Variants in ZC3H12B observed in about 807,000 individuals in gnomAD.
ZC3H12B encodes the protein probable ribonuclease ZC3H12B.
A neutral mutation model predicts 43.9 loss-of-function variants in ZC3H12B; 7 were observed. The ratio of observed to expected loss-of-function variants is 0.16; its 90% CI spans 0.09 to 0.30. The LOEUF (loss-of-function observed/expected upper bound fraction) is 0.30. Among genes scored for constraint, ZC3H12B ranks in the 10% least tolerant of loss-of-function variants. The pLI is 1.00. For missense variants in ZC3H12B, 475 were observed against 670.2 expected (o/e 0.71, Z 3.22); for synonymous variants, 222 against 241.7 (o/e 0.92, Z 0.76).
intron 2 of ZC3H12B, among the ~76,000 whole-genome samples, chrX:65,375,208 G>T (rs2066329224): frequency 8.9e-6 from 1 of 112,133 alleles, no homozygotes; most frequent in Admixed American, 9.5e-5. Context: ...ACAGCATAAA[G>T]CAAAACAGGA....
At chrX:65,356,915 T>A in the ZC3H12B span, 1 of 402,227 alleles carries the variant, frequency 2.5e-6, no homozygotes, top group African/African-American at 2.5e-5. Flanking sequence ...GATCTGTTTG[T>A]AAAGTTCACA....
chrX:65,328,808 T>C, the ZC3H12B span, among the ~76,000 whole-genome samples: 1 of 105,254 alleles, frequency 9.5e-6, no homozygotes, highest in Non-Finnish European at 1.9e-5. Flanking sequence ...GTTTGGTTTT[T>C]TGTCCTTGCG....
chrX:65,408,264 A>G (rs2066861083), intron 3 of ZC3H12B: 2 of 1,161,659 alleles, frequency 1.7e-6, no homozygotes, highest in Non-Finnish European at 1.2e-6. Context: ...CAGAGGCACT[A>G]TGTGATGTAT....
At chrX:65,093,711 C>T in the ZC3H12B span, among the ~76,000 whole-genome samples, 1 of 112,321 alleles carries the variant, frequency 8.9e-6, no homozygotes, top group Non-Finnish European at 1.9e-5. Flanking sequence ...CTTATACCCC[C>T]ATAGTATCTT....
the ZC3H12B span, among the ~76,000 whole-genome samples, chrX:65,142,075 T>C: frequency 8.9e-6 from 1 of 112,189 alleles, no homozygotes; most frequent in East Asian, 2.8e-4. Context: ...TTTAGTTTTT[T>C]AAGGAATCTC....
At chrX:65,347,747 A>G in the ZC3H12B span, among the ~76,000 whole-genome samples, 1 of 112,488 alleles carries the variant, frequency 8.9e-6, no homozygotes, top group Non-Finnish European at 1.9e-5. Flanking sequence ...TGTATACCCA[A>G]AAGATTATAA....
chrX:65,396,164 T>C (rs1298991120), intron 2 of ZC3H12B, among the ~76,000 whole-genome samples: 2 of 111,963 alleles, frequency 1.8e-5, no homozygotes, highest in Non-Finnish European at 3.8e-5. Context: ...TGAAGGGTTT[T>C]TCATGTCTCT....
At chrX:65,421,008 C>T in intron 3 of ZC3H12B, among the ~76,000 whole-genome samples, 1 of 112,197 alleles carries the variant, frequency 8.9e-6, no homozygotes, top group Non-Finnish European at 1.9e-5. Flanking sequence ...ACTGTCCTAT[C>T]TTAGGGGTAT....
chrX:65,065,025 C>T, the ZC3H12B span, among the ~76,000 whole-genome samples: 2 of 110,649 alleles, frequency 1.8e-5, no homozygotes, highest in African/African-American at 6.6e-5. Context: ...TATTTTCAGC[C>T]TATGTGTGTC....
chrX:65,094,509 T>A, the ZC3H12B span, among the ~76,000 whole-genome samples: 1 of 111,237 alleles, frequency 9.0e-6, no homozygotes, highest in Non-Finnish European at 1.9e-5. Context: ...AGGGTCCCCA[T>A]GAGATCAAAA....
chrX:65,216,077 A>G, the ZC3H12B span, among the ~76,000 whole-genome samples: 1 of 111,481 alleles, frequency 9.0e-6, no homozygotes, highest in Non-Finnish European at 1.9e-5. Flanking sequence ...AGCATGGTCA[A>G]ATAAAATCCT....
At chrX:65,108,387 A>T in the ZC3H12B span, among the ~76,000 whole-genome samples, 1 of 111,146 alleles carries the variant, frequency 9.0e-6, no homozygotes, top group Non-Finnish European at 1.9e-5. Flanking sequence ...TTAGTCTATA[A>T]GCTTTTCAAT....
chrX:65,035,648 C>G, the ZC3H12B span, among the ~76,000 whole-genome samples: 1 of 110,777 alleles, frequency 9.0e-6, no homozygotes, highest in Non-Finnish European at 1.9e-5. Flanking sequence ...AGCCTGACCG[C>G]GGGCTTCTCA....
chrX:65,374,034 C>CTA (rs2066304347), intron 2 of ZC3H12B, among the ~76,000 whole-genome samples: 7 of 45,480 alleles, frequency 1.5e-4, no homozygotes, highest in African/African-American at 5.3e-4. Flanking sequence ...ATATATATAA[C>CTA]TATATATACA....
the ZC3H12B span, among the ~76,000 whole-genome samples, chrX:65,089,706 T>G: frequency 1.8e-5 from 2 of 112,654 alleles, no homozygotes; most frequent in African/African-American, 3.2e-5. Flanking sequence ...TAAAAATAGA[T>G]GTACAGCTGT....
chrX:65,274,235 A>G, the ZC3H12B span, among the ~76,000 whole-genome samples: 1 of 111,740 alleles, frequency 8.9e-6, no homozygotes, highest in Non-Finnish European at 1.9e-5. Context: ...GTCCTGGGCC[A>G]AGTTTGCAGA....
At chrX:65,482,094 A>C (rs770742040) in intron 3 of ZC3H12B, among the ~76,000 whole-genome samples, 2 of 112,155 alleles carry the variant, frequency 1.8e-5, no homozygotes, top group African/African-American at 3.2e-5. Context: ...AAACAGTTAA[A>C]TTGGAGAGAA....
At chrX:65,079,695 A>T in the ZC3H12B span, among the ~76,000 whole-genome samples, 1 of 112,611 alleles carries the variant, frequency 8.9e-6, no homozygotes, top group Non-Finnish European at 1.9e-5. Context: ...ACAGATACAG[A>T]TTAGAACACA....
chrX:65,332,048 A>G, the ZC3H12B span, among the ~76,000 whole-genome samples: 1 of 110,920 alleles, frequency 9.0e-6, no homozygotes, highest in Non-Finnish European at 1.9e-5. Flanking sequence ...TGTGACTAAG[A>G]ATGCCTTATC....
Sources: allele counts gnomAD v4.1 joint callset (sites outside exome capture counted in the v4.1 genomes callset), GRCh38; gene constraint gnomAD v4.1.1; transcripts MANE v1.5; gene names NCBI Gene and HGNC (gene_info 2026-07-23, HGNC 2026-07-21).